Variants in TBC1D5 observed in about 807,000 individuals in gnomAD.
TBC1D5 encodes the protein TBC1 domain family member 5, also known as TBC1 domain family, member 5.
Under a neutral mutation model 100.3 loss-of-function variants are expected in TBC1D5, and 75 were observed. That is an observed-to-expected ratio of 0.75 (90% CI 0.62 to 0.91). The LOEUF (loss-of-function observed/expected upper bound fraction) is 0.91, where lower values mean the gene tolerates loss of function less well. TBC1D5 is among the 40% of genes least tolerant of loss of function. The pLI, the probability that TBC1D5 is intolerant of heterozygous loss-of-function variation, is 0.00. For missense variants in TBC1D5, 910 were observed against 942.4 expected (o/e 0.97, Z 0.45); for synonymous variants, 323 against 325.6 (o/e 0.99, Z 0.09).
intron 13 of TBC1D5, among the ~76,000 whole-genome samples, chr3:17,342,259 C>G (rs2089096071): frequency 6.6e-6 from 1 of 152,204 alleles, no homozygotes; most frequent in Non-Finnish European, 1.5e-5. Flanking sequence ...CAGGAATGCT[C>G]TGCCTTCTTA....
In TBC1D5 at chr3:17,479,098, T is replaced by C. The variant is rs143350640; in HGVS notation, c.97+29376A>G. On this transcript the variant is annotated intron_variant, in intron 3 of 21. Coordinates refer to ENST00000253692, the Ensembl canonical transcript of TBC1D5. ...CATTTTAATCACTGAGCTAGATATA[T>C]GTCATCTGAAAACATGCAAAGGCTG... 4.7e-4 allele frequency among the ~76,000 whole-genome samples: 72 copies of C among 152,316 alleles called. 1 individual carries two copies. In the East Asian group the frequency reaches 9.3e-3, roughly 20 times the overall value.
At chr3:17,243,814 T>C (rs1322234441) in intron 16 of TBC1D5, among the ~76,000 whole-genome samples, 1 of 152,156 alleles carries the variant, frequency 6.6e-6, no homozygotes, top group Non-Finnish European at 1.5e-5. Flanking sequence ...ATTATGATTC[T>C]TGGACTGCAT....
At chr3:17,531,612 G>A (rs1171183753) in intron 2 of TBC1D5, among the ~76,000 whole-genome samples, 2 of 152,152 alleles carry the variant, frequency 1.3e-5, no homozygotes, top group African/African-American at 4.8e-5. Flanking sequence ...AACCAAAACA[G>A]CATGGTACTG....
chr3:17,169,498 T>G (rs371970155), intron 19 of TBC1D5, among the ~76,000 whole-genome samples: 88 of 152,354 alleles, frequency 5.8e-4, no homozygotes, highest in African/African-American at 2.0e-3. Context: ...TGATAAGTCT[T>G]CTTACATACT....
chr3:17,218,744 C>T (rs1342680506), intron 17 of TBC1D5, among the ~76,000 whole-genome samples: 2 of 152,010 alleles, frequency 1.3e-5, no homozygotes, highest in Non-Finnish European at 2.9e-5. Context: ...GCCTTCTTAA[C>T]TCTCTGGTTT....
At chr3:17,478,810 C>G (rs1034264909) in intron 3 of TBC1D5, among the ~76,000 whole-genome samples, 3 of 152,104 alleles carry the variant, frequency 2.0e-5, no homozygotes, top group Admixed American at 6.6e-5. Context: ...GGCTACCCTG[C>G]TGGAGGATGA....
At chr3:17,575,676 G>A (rs1044414150) in intron 2 of TBC1D5, among the ~76,000 whole-genome samples, 3 of 152,066 alleles carry the variant, frequency 2.0e-5, no homozygotes, top group Non-Finnish European at 1.5e-5. Flanking sequence ...TATGTCATGA[G>A]AACATAAGAA....
At chr3:17,421,514 A>C (rs1482800317) in intron 4 of TBC1D5, among the ~76,000 whole-genome samples, 3 of 152,210 alleles carry the variant, frequency 2.0e-5, no homozygotes, top group Non-Finnish European at 4.4e-5. Context: ...TAGAAAAAAA[A>C]ATTAACTTTC....
At position 17,192,590 on chromosome 3, in the gene TBC1D5, G is replaced by A. The variant is rs9836778; in HGVS notation, c.1753-7382C>T. ...AATAGCAGTTCCCATTTTTGGACAG[G>A]ATGTAAACAAACAAGTTAAATGTAA... On this transcript the variant is annotated intron_variant, in intron 18 of 21. Coordinates refer to ENST00000253692, the Ensembl canonical transcript of TBC1D5. Among the ~76,000 whole-genome samples the A allele has an allele frequency of 4.6e-3, 693 of 152,252 alleles. 7 individuals carry two copies. The highest frequency in any genetic ancestry group is 0.016 in the African/African-American group (653 of 41,564).
chr3:17,567,263 T>C (rs1232204352), intron 2 of TBC1D5, among the ~76,000 whole-genome samples: 1 of 151,794 alleles, frequency 6.6e-6, no homozygotes, highest in Non-Finnish European at 1.5e-5. Context: ...TAGTGAAATG[T>C]TTCACAGTCC....
chr3:17,163,255 ACC>A (rs56069331), intron 21 of TBC1D5, among the ~76,000 whole-genome samples: 7 of 138,570 alleles, frequency 5.1e-5, no homozygotes, highest in Non-Finnish European at 9.3e-5. Context: ...TCTTTTATTG[ACC>A]CCCCCCCCTT....
At chr3:17,405,054 T>G in intron 5 of TBC1D5, 93 bp from the exon 6 acceptor site, 1 of 639,768 alleles carries the variant, frequency 1.6e-6, no homozygotes, top group South Asian at 2.6e-5. Flanking sequence ...TTGAAAGACA[T>G]AATAGTCATG....
chr3:17,351,217 A>G (rs1268911614), intron 13 of TBC1D5, among the ~76,000 whole-genome samples: 1 of 152,114 alleles, frequency 6.6e-6, no homozygotes, highest in East Asian at 1.9e-4. Flanking sequence ...TGACTCAGCA[A>G]TCCCATTACT....
At chr3:17,376,969 T>C (rs1173462382) in intron 9 of TBC1D5, among the ~76,000 whole-genome samples, 1 of 152,040 alleles carries the variant, frequency 6.6e-6, no homozygotes, top group Non-Finnish European at 1.5e-5. Flanking sequence ...TGAGCTACAG[T>C]GTTAAGATCT....
At chr3:17,273,469 T>C (rs574864598) in intron 15 of TBC1D5, among the ~76,000 whole-genome samples, 1 of 152,294 alleles carries the variant, frequency 6.6e-6, no homozygotes, top group Admixed American at 6.5e-5. Context: ...CCTCTGGATA[T>C]TTCTACCTGG....
At chr3:17,379,583 G>A (rs1459687267) in intron 9 of TBC1D5, among the ~76,000 whole-genome samples, 1 of 151,998 alleles carries the variant, frequency 6.6e-6, no homozygotes. Flanking sequence ...GGAGCTTGTG[G>A]TCTAGAAAGA....
chr3:17,562,371 T>C (rs1482520577), intron 2 of TBC1D5, among the ~76,000 whole-genome samples: 4 of 151,794 alleles, frequency 2.6e-5, no homozygotes, highest in Non-Finnish European at 4.4e-5. Flanking sequence ...CCCAACCCAA[T>C]AGGTCAAGTA....
At chr3:17,736,977 C>T (rs934203406) in intron 1 of TBC1D5, among the ~76,000 whole-genome samples, 2 of 152,068 alleles carry the variant, frequency 1.3e-5, no homozygotes, top group Non-Finnish European at 2.9e-5. Flanking sequence ...CGCGCCACTG[C>T]ACTCCAGCCT....
At chr3:17,648,493 T>A (rs912181817) in intron 1 of TBC1D5, among the ~76,000 whole-genome samples, 1 of 152,154 alleles carries the variant, frequency 6.6e-6, no homozygotes, top group Non-Finnish European at 1.5e-5. Context: ...CTTATTAAAC[T>A]TAAAAGCTTC....
Sources: gnomAD v4.1 joint callset for allele counts (sites outside exome capture counted in the v4.1 genomes callset) on GRCh38, gnomAD v4.1.1 for gene constraint, MANE v1.5 for transcripts, NCBI Gene and HGNC (gene_info 2026-07-23, HGNC 2026-07-21) for gene names.